KNDC1: variants seen among roughly 807,000 people sequenced by gnomAD.
The protein encoded by KNDC1 is kinase non-catalytic C-lobe domain containing 1.
KNDC1 carries 106 observed loss-of-function variants against 172.8 expected under a neutral mutation model. The ratio of observed to expected loss-of-function variants is 0.61; its 90% confidence interval spans 0.52 to 0.72. The LOEUF is 0.72. Ranked by LOEUF, KNDC1 falls within the 30% of genes least tolerant of loss-of-function variation. The probability of loss-of-function intolerance (pLI) is 0.00; values close to 1 mark genes in which losing one functional copy is unlikely to be tolerated. For synonymous variants in KNDC1, 1,083 were observed against 1,062.2 expected (o/e 1.02, Z -0.38); for missense variants, 2,325 against 2,394.5 (o/e 0.97, Z 0.61).
In KNDC1 at chr10:133,163,442, A is replaced by G. The variant is rs1394276476; in HGVS notation, c.102+2873A>G. 6.6e-6 allele frequency among the ~76,000 whole-genome samples: 1 copy of G among 152,120 alleles called. No homozygotes were observed. Among genetic ancestry groups the G allele is most frequent in the South Asian group, 2.1e-4 (1 of 4,828 alleles). On this transcript the variant is annotated intron_variant, in intron 1 of 29. Coordinates refer to ENST00000304613, the MANE Select transcript of KNDC1 (RefSeq NM_152643.8). This position sits in a 1 kb window ranked among gnomAD's most constrained non-coding sequence, Gnocchi z 4.4. ...AGAGGACGTCCCCGCTGCAGGGTCCATATGACATCTGTGCCAGGATGAGCT... is the reference window on the plus strand; with the variant it reads ...AGAGGACGTCCCCGCTGCAGGGTCCGTATGACATCTGTGCCAGGATGAGCT...
Position 133,206,941 on chromosome 10 carries a change from G to C in KNDC1, c.3567G>C (p.Lys1189Asn). ...KSRVQFLSLV[K>N]KYLQVMYAER... ...GGGTGCAATTCCTCAGCTTGGTCAA[G>C]AAGTATCTGCAGGCAAGTGGGCTCC... The change falls in exon 19 of 30, where the codon AAG becomes AAC. Residue 1189 changes from lysine to asparagine, a missense_variant. Coordinates refer to ENST00000304613, the MANE Select transcript of KNDC1 (RefSeq NM_152643.8). 1.2e-6 allele frequency: 2 copies of C among 1,613,996 alleles called. No individual in the cohort carries two copies. The highest frequency in any genetic ancestry group is 1.7e-6 in the Non-Finnish European group (2 of 1,179,962).
rs773610920 is a variant in KNDC1 at position 133,211,585 on chromosome 10, A to T, written c.4056+16A>T. 6.2e-6 allele frequency: 10 copies of T among 1,609,456 alleles called. No individual in the cohort carries two copies. In the East Asian group the frequency reaches 2.0e-4, roughly 32 times the overall value. On this transcript the variant is annotated intron_variant, in intron 22 of 29. Transcript: ENST00000304613. Reference sequence around the variant, plus strand: ...CTCCTCCAAGGTGACAGTGGCGCTGAGCTGGGCGGCCGCACCCGGGGCTCC... The same window carrying T: ...CTCCTCCAAGGTGACAGTGGCGCTGTGCTGGGCGGCCGCACCCGGGGCTCC...
At chr10:133,179,852 C>G (rs1853664838) in intron 3 of KNDC1, among the ~76,000 whole-genome samples, 1 of 152,206 alleles carries the variant, frequency 6.6e-6, no homozygotes, top group African/African-American at 2.4e-5. Context: ...CATTTCATGC[C>G]TGATCGGCCT....
chr10:133,168,226 T>G, intron 2 of KNDC1, 28 bp from the exon 3 acceptor site: 1 of 1,607,844 alleles, frequency 6.2e-7, no homozygotes. Context: ...ACCAGAAGCC[T>G]TCTCTCCTTC....
At chr10:133,188,195 G>C (rs530667715) in intron 6 of KNDC1, among the ~76,000 whole-genome samples, 1 of 152,288 alleles carries the variant, frequency 6.6e-6, no homozygotes, top group South Asian at 2.1e-4. Context: ...GGGTGTGCAC[G>C]TATGCGTGAG....
At position 133,198,928 on chromosome 10, in the gene KNDC1, C is replaced by T; in HGVS notation, c.2420C>T (p.Ala807Val). The change falls in exon 14 of 30, where the codon GCT becomes GTT. Residue 807 changes from alanine to valine, a missense_variant. Transcript: ENST00000304613. ...GCTGAGCCGATCCCACCTGGAGTTG[C>T]TTCCGGGGGCCTCAGGCCCGACGCC... ...GPAEPIPPGV[A>V]SGGLRPDALG... 1 of 1,563,794 alleles carries T rather than the reference C, an allele frequency of 6.4e-7. No homozygotes were observed. The highest frequency in any genetic ancestry group is 1.8e-5 in the Admixed American group (1 of 54,968).
In KNDC1 at chr10:133,212,699, C is replaced by T; in HGVS notation, c.4237-17C>T. 6.2e-7 allele frequency: 1 copy of T among 1,608,880 alleles called. No individual in the cohort carries two copies. Among genetic ancestry groups the T allele is most frequent in the Non-Finnish European group, 8.5e-7 (1 of 1,177,852 alleles). On this transcript the variant is annotated splice_polypyrimidine_tract_variant and intron_variant, in intron 23 of 29. Coordinates refer to ENST00000304613, the MANE Select transcript of KNDC1 (RefSeq NM_152643.8). ...GACACGGAGCTTAGGCCCCTCAGTG[C>T]CCGGCCTGCCCTGCAGAGCTTCCCC... is the stretch of plus-strand genomic sequence containing the variant.
At chr10:133,212,242 G>A (rs377679093) in intron 23 of KNDC1, among the ~76,000 whole-genome samples, 12 of 149,442 alleles carry the variant, frequency 8.0e-5, no homozygotes, top group Middle Eastern at 3.6e-3. Context: ...GCACCCTCAC[G>A]CAATCCACAC....
chr10:133,200,887 G>C lies in KNDC1; in HGVS notation c.2989+427G>C, dbSNP rs540703834. ...TGGGCTTGTTAGCCCCAGGATCCCA[G>C]GGCACATGAGTGCCAGGCTGGGGAC... On this transcript the variant is annotated intron_variant, in intron 16 of 29. Transcript: ENST00000304613. Among the ~76,000 whole-genome samples, 5 of 152,338 alleles carry C rather than the reference G, an allele frequency of 3.3e-5. No individual in the cohort carries two copies. The South Asian group carries it at 6.2e-4, about 19-fold the overall frequency.
At chr10:133,161,150 C>T (rs1259451852) in intron 1 of KNDC1, among the ~76,000 whole-genome samples, 1 of 152,190 alleles carries the variant, frequency 6.6e-6, no homozygotes, top group African/African-American at 2.4e-5. Flanking sequence ...GCCCACCCTA[C>T]AGCACCGGCT....
Position 133,212,773 on chromosome 10 carries a change from C to T in KNDC1, c.4294C>T (p.Arg1432Cys), listed in dbSNP as rs746625244. ...NGLVLPPHKERPYTIAAALPK... is the reference protein window; with the variant it reads ...NGLVLPPHKECPYTIAAALPK... ...GCTGGTGCTGCCGCCACACAAGGAG[C>T]GCCCCTACACCATTGCTGCCGCCCT... Residue 1432 changes from arginine to cysteine, a missense_variant, in exon 24 of 30, where the codon CGC becomes TGC. Arg to Cys is a radical substitution (Grantham distance 180). Coordinates refer to ENST00000304613, the MANE Select transcript of KNDC1 (RefSeq NM_152643.8). The T allele has an allele frequency of 5.0e-6, 8 of 1,613,734 alleles. No homozygotes were observed. The highest frequency in any genetic ancestry group is 2.2e-5 in the East Asian group (1 of 44,888).
chr10:133,202,748 G>A (rs1452061202), intron 17 of KNDC1: 1 of 442,602 alleles, frequency 2.3e-6, no homozygotes, highest in Non-Finnish European at 4.5e-6. Context: ...GGGCAGGTGA[G>A]GGGACAGGGG....
intron 29 of KNDC1, among the ~76,000 whole-genome samples, chr10:133,222,490 G>A (rs77727887): frequency 0.26 from 5,445 of 21,150 alleles, 1,071 homozygotes; most frequent in Middle Eastern, 0.38. Flanking sequence ...TGCTCTTCCC[G>A]GTGTGTGTGT....
At chr10:133,214,205 G>T (rs948648586) in intron 26 of KNDC1, 83 bp downstream of exon 26, 8 of 1,472,064 alleles carry the variant, frequency 5.4e-6, no homozygotes, top group African/African-American at 1.4e-5. Flanking sequence ...TAAGGCCGTG[G>T]CCTGAACCCT....
Position 133,160,437 on chromosome 10 carries a change from C to T in KNDC1, c.-31C>T, listed in dbSNP as rs1485929176. On this transcript the variant is annotated 5_prime_UTR_variant, in exon 1 of 30. Transcript: ENST00000304613. ...GAGCCCAGCCCAGCCCAGCCGGAGGCCCCGGGGGCGGTGCGCGGCGCGGCC... is the reference window on the plus strand; with the variant it reads ...GAGCCCAGCCCAGCCCAGCCGGAGGTCCCGGGGGCGGTGCGCGGCGCGGCC... 9 of 1,446,672 alleles carry T rather than the reference C, an allele frequency of 6.2e-6. No homozygotes were observed. The highest frequency in any genetic ancestry group is 7.4e-6 in the Non-Finnish European group (8 of 1,084,688). 89.6% of individuals were successfully genotyped at this position (1,446,672 alleles called of 1,614,324 possible).
rs113462386 is a variant in KNDC1 at position 133,165,407 on chromosome 10, C to T, written c.103-1974C>T. Reference sequence around the variant, plus strand: ...GCTCCCTTCCCGGGTCCACGTGTCTCGACACCATTCTGTGGGCTGGCGGCA... The same window carrying T: ...GCTCCCTTCCCGGGTCCACGTGTCTTGACACCATTCTGTGGGCTGGCGGCA... On this transcript the variant is annotated intron_variant, in intron 1 of 29. Transcript: ENST00000304613. 1.9e-3 allele frequency among the ~76,000 whole-genome samples: 296 copies of T among 152,308 alleles called. 1 individual carries two copies. Among genetic ancestry groups the T allele is most frequent in the African/African-American group, 6.6e-3 (273 of 41,580 alleles).
At chr10:133,191,956 C>T (rs772683634) in intron 9 of KNDC1, among the ~76,000 whole-genome samples, 5 of 152,204 alleles carry the variant, frequency 3.3e-5, no homozygotes, top group Admixed American at 2.0e-4. Context: ...TTCCCTGCAG[C>T]GTGTCCTGCA....
intron 28 of KNDC1, among the ~76,000 whole-genome samples, chr10:133,219,397 T>A (rs1022872684): frequency 1.3e-5 from 2 of 152,160 alleles, no homozygotes; most frequent in East Asian, 1.9e-4. Context: ...GACCTGGACC[T>A]CCTCCAGGAC....
Position 133,199,142 on chromosome 10 carries a change from C to T in KNDC1, c.2634C>T (p.Cys878=), listed in dbSNP as rs375999538. ...RPADRRLCLP[C]VDASPLPGRT... ...CAGACCGGAGGCTCTGTCTGCCCTGCGTGGATGCCTCGCCACTCCCAGGGA... is the reference window on the plus strand; with the variant it reads ...CAGACCGGAGGCTCTGTCTGCCCTGTGTGGATGCCTCGCCACTCCCAGGGA... The change falls in exon 14 of 30, where the codon TGC becomes TGT. Residue 878 remains cysteine (C), a synonymous_variant. Transcript: ENST00000304613. 38 of 1,596,152 alleles carry T rather than the reference C, an allele frequency of 2.4e-5. No individual in the cohort carries two copies. The highest frequency in any genetic ancestry group is 1.8e-4 in the South Asian group (16 of 88,454).
Sources: gnomAD v4.1 joint callset for allele counts (sites outside exome capture counted in the v4.1 genomes callset) on GRCh38, gnomAD v4.1.1 for gene constraint, Gnocchi (gnomAD v3.1) non-coding constraint, MANE v1.5 for transcripts, NCBI Gene and HGNC (gene_info 2026-07-23, HGNC 2026-07-21) for gene names.